Variants in SFMBT2 observed in about 807,000 individuals in gnomAD.
The protein encoded by SFMBT2 is Scm like with four mbt domains 2.
A neutral mutation model predicts 110.1 loss-of-function variants in SFMBT2; 38 were observed. The ratio of observed to expected loss-of-function variants is 0.35; its 90% CI spans 0.27 to 0.45. The LOEUF (loss-of-function observed/expected upper bound fraction) is 0.45. Ranked by LOEUF, SFMBT2 falls within the 20% of genes least tolerant of loss-of-function variation. SFMBT2 has a pLI of 1.00. For synonymous variants in SFMBT2, 425 were observed against 425.4 expected (o/e 1.00, Z 0.01); for missense variants, 1,011 against 1,094.9 (o/e 0.92, Z 1.08).
At chr10:7,298,785 A>G (rs1472831848) in intron 4 of SFMBT2, among the ~76,000 whole-genome samples, 7 of 151,884 alleles carry the variant, frequency 4.6e-5, no homozygotes, top group East Asian at 1.9e-4. Flanking sequence ...GTGTGTGTGT[A>G]TATGTGTGTC....
In SFMBT2 at chr10:7,179,252, C is replaced by T. The variant is rs377021652; in HGVS notation, c.1809-3087G>A. On this transcript the variant is annotated intron_variant, in intron 16 of 20. Transcript: ENST00000397167. ...TGTAGATAAGATCATGCTTTAAATC[C>T]TACAGCCTTGAATGGCTGTTGGTTT... Among the ~76,000 whole-genome samples the T allele has an allele frequency of 6.6e-5, 10 of 151,870 alleles. No individual in the cohort carries two copies. In the East Asian group the frequency reaches 7.7e-4, roughly 12 times the overall value.
At chr10:7,360,486 A>G (rs545644365) in intron 4 of SFMBT2, among the ~76,000 whole-genome samples, 1 of 152,326 alleles carries the variant, frequency 6.6e-6, no homozygotes, top group East Asian at 1.9e-4. Flanking sequence ...AAAATAAAAA[A>G]GAGAGTGTGT....
intron 8 of SFMBT2, among the ~76,000 whole-genome samples, chr10:7,246,989 T>C (rs1840637754): frequency 6.6e-6 from 1 of 152,160 alleles, no homozygotes; most frequent in Admixed American, 6.5e-5. Flanking sequence ...CAAAGGCCAT[T>C]TCAAATAAAA....
At chr10:7,176,554 T>A in intron 16 of SFMBT2, 1 of 951,082 alleles carries the variant, frequency 1.1e-6, no homozygotes, top group Non-Finnish European at 1.3e-6. Context: ...TTGAAAAATG[T>A]GAGTGCATAT....
rs140631921 is a variant in SFMBT2, at chr10:7,243,629, T to C, written c.1049A>G (p.His350Arg). Residue 350 changes from histidine to arginine, a missense_variant, in exon 9 of 21, where the codon CAT becomes CGT. Transcript: ENST00000397167. Reference sequence around the variant, plus strand: ...TGGCAAAATCCCCAAAGAATCTGCATGGCACAGCATTGACAGTTTACTTGG... The same window carrying C: ...TGGCAAAATCCCCAAAGAATCTGCACGGCACAGCATTGACAGTTTACTTGG... Reference protein sequence around the residue: ...PEPSKLSMLCHADSLGILPVQ... With the variant: ...PEPSKLSMLCRADSLGILPVQ... 2.7e-5 allele frequency: 24 copies of C among 872,814 alleles called. No homozygotes were observed. Among genetic ancestry groups the C allele is most frequent in the Non-Finnish European group, 4.8e-5 (24 of 501,676 alleles). The allele number at this position is 872,814 out of a possible 1,614,324, so 54.1% of individuals were successfully genotyped here.
rs1255623303 is a variant in SFMBT2, at chr10:7,163,040, T to G, written c.*730A>C. 6.6e-6 allele frequency: 1 copy of G among 152,584 alleles called. No individual in the cohort carries two copies. Among genetic ancestry groups the G allele is most frequent in the African/African-American group, 2.4e-5 (1 of 41,222 alleles). The allele number at this position is 152,584 out of a possible 1,614,324, so 9.5% of individuals were successfully genotyped here. ...ATCACTTGAACCCGGGAGAGAGAGG[T>G]TGCAGTGAGCTGAGATTGCGCCACT... On this transcript the variant is annotated 3_prime_UTR_variant, in exon 21 of 21. Transcript: ENST00000397167. The surrounding 1 kb of genome is among the most constrained non-coding windows in gnomAD (Gnocchi z 4.8).
chr10:7,316,349 C>T (rs888460892), intron 4 of SFMBT2, among the ~76,000 whole-genome samples: 3 of 152,072 alleles, frequency 2.0e-5, no homozygotes, highest in Non-Finnish European at 4.4e-5. Flanking sequence ...AGTGAGCGTA[C>T]CCCAAAGCCA....
At chr10:7,349,391 A>C (rs1488627261) in intron 4 of SFMBT2, among the ~76,000 whole-genome samples, 1 of 137,856 alleles carries the variant, frequency 7.3e-6, no homozygotes, top group Non-Finnish European at 1.5e-5. Context: ...GACAGGATGC[A>C]GTTTGGATCC....
intron 1 of SFMBT2, among the ~76,000 whole-genome samples, chr10:7,389,507 C>T (rs1364483988): frequency 6.6e-6 from 1 of 152,138 alleles, no homozygotes; most frequent in African/African-American, 2.4e-5. Context: ...TAAAAGGTAA[C>T]TTCCTGTTTT....
At chr10:7,229,362 C>G (rs1363442213) in intron 9 of SFMBT2, among the ~76,000 whole-genome samples, 1 of 152,066 alleles carries the variant, frequency 6.6e-6, no homozygotes, top group Non-Finnish European at 1.5e-5. Flanking sequence ...GGGTGGATCA[C>G]AAGATCAGCA....
At chr10:7,379,449 T>C (rs1184595950) in intron 2 of SFMBT2, among the ~76,000 whole-genome samples, 1 of 152,058 alleles carries the variant, frequency 6.6e-6, no homozygotes, top group Non-Finnish European at 1.5e-5. Context: ...AATAAGCTAC[T>C]TGTGGAATGA....
intron 4 of SFMBT2, among the ~76,000 whole-genome samples, chr10:7,316,370 C>T (rs544447245): frequency 1.8e-3 from 275 of 152,206 alleles, no homozygotes; most frequent in African/African-American, 6.4e-3. Flanking sequence ...TATGAGCAGG[C>T]AGGTGAGGGG....
intron 4 of SFMBT2, among the ~76,000 whole-genome samples, chr10:7,351,957 A>AGCAAGATT (rs750851105): frequency 4.6e-5 from 7 of 152,086 alleles, no homozygotes; most frequent in Non-Finnish European, 8.8e-5. Flanking sequence ...TCAAACCGAG[A>AGCAAGATT]GCAAGATTGT....
At chr10:7,178,992 T>TAGAAAGAA (rs1838159589) in intron 16 of SFMBT2, among the ~76,000 whole-genome samples, 1 of 152,176 alleles carries the variant, frequency 6.6e-6, no homozygotes, top group Non-Finnish European at 1.5e-5. Context: ...AATGTCTTTC[T>TAGAAAGAA]AAAGACTGGA....
chr10:7,298,425 C>T (rs1842466786), intron 4 of SFMBT2, among the ~76,000 whole-genome samples: 1 of 152,188 alleles, frequency 6.6e-6, no homozygotes, highest in Admixed American at 6.5e-5. Flanking sequence ...CCCAAAAGCC[C>T]AACAGCCAGG....
At chr10:7,173,432 A>G (rs962788773) in intron 17 of SFMBT2, among the ~76,000 whole-genome samples, 9 of 152,224 alleles carry the variant, frequency 5.9e-5, no homozygotes, top group African/African-American at 2.2e-4. Context: ...AAGATAAGCT[A>G]TGATCCTGAA....
At chr10:7,254,217 T>C (rs1193820646) in intron 7 of SFMBT2, among the ~76,000 whole-genome samples, 2 of 152,210 alleles carry the variant, frequency 1.3e-5, no homozygotes, top group Non-Finnish European at 2.9e-5. Context: ...AACCCAATGA[T>C]GTCTTGACAT....
At chr10:7,332,704 T>C (rs1289756057) in intron 4 of SFMBT2, among the ~76,000 whole-genome samples, 3 of 152,212 alleles carry the variant, frequency 2.0e-5, no homozygotes, top group Admixed American at 6.5e-5. Context: ...TTTCCATTAA[T>C]GTCCATGACA....
chr10:7,282,123 G>GC (rs1481307714), intron 6 of SFMBT2, among the ~76,000 whole-genome samples: 1 of 152,112 alleles, frequency 6.6e-6, no homozygotes, highest in African/African-American at 2.4e-5. Context: ...ATCTTCAGGG[G>GC]CCCCCAAGAA....
Sources: allele counts gnomAD v4.1 joint callset (sites outside exome capture counted in the v4.1 genomes callset), GRCh38; gene constraint gnomAD v4.1.1; non-coding constraint Gnocchi (gnomAD v3.1); transcripts MANE v1.5; gene names NCBI Gene and HGNC (gene_info 2026-07-23, HGNC 2026-07-21).